IQCM: variants seen among roughly 807,000 people sequenced by gnomAD.
IQCM encodes the protein IQ motif containing M, also known as IQ domain-containing protein M.
A neutral mutation model predicts 57.6 loss-of-function variants in IQCM; 45 were observed. The observed-to-expected ratio is 0.78, with a 90% CI of 0.62 to 1.00. The LOEUF (loss-of-function observed/expected upper bound fraction) is 1.00, where lower values mean the gene tolerates loss of function less well. Ranked by LOEUF, IQCM falls within the 50% of genes least tolerant of loss-of-function variation. IQCM has a pLI of 0.00. For missense variants in IQCM, 468 were observed against 511.6 expected, an observed-to-expected ratio of 0.91 and a Z score of 0.82; for synonymous variants, 148 against 158.9, an observed-to-expected ratio of 0.93 and a Z score of 0.51.
intron 10 of IQCM, among the ~76,000 whole-genome samples, chr4:149,562,896 G>A (rs1750266053): frequency 6.6e-6 from 1 of 152,088 alleles, no homozygotes; most frequent in Non-Finnish European, 1.5e-5. Flanking sequence ...CTATTCCAGA[G>A]GTTTTTCGCA....
intron 7 of IQCM, among the ~76,000 whole-genome samples, chr4:149,630,415 T>C (rs1757163468): frequency 6.6e-6 from 1 of 152,180 alleles, no homozygotes; most frequent in African/African-American, 2.4e-5. Flanking sequence ...GTTTTACAGA[T>C]AACAGTGAAG....
intron 4 of IQCM, 43 bp downstream of exon 4, chr4:149,735,332 CA>C (rs146890815): frequency 0.017 from 17,604 of 1,025,740 alleles, 192 homozygotes; most frequent in Non-Finnish European, 0.019. Flanking sequence ...TTGTAGTATG[CA>C]AAAATTTTAA....
intron 13 of IQCM, among the ~76,000 whole-genome samples, chr4:149,392,675 G>A (rs915346963): frequency 6.6e-6 from 1 of 151,916 alleles, no homozygotes; most frequent in Non-Finnish European, 1.5e-5. Flanking sequence ...GAGTGTCCCA[G>A]AAGCCTGGAA....
chr4:149,813,464 C>T (rs1774779159), intron 2 of IQCM, among the ~76,000 whole-genome samples: 1 of 151,956 alleles, frequency 6.6e-6, no homozygotes, highest in South Asian at 2.1e-4. Context: ...CCCAAGAAAG[C>T]TCAATCTTAA....
At chr4:149,756,108 G>C (rs1768932616) in intron 2 of IQCM, among the ~76,000 whole-genome samples, 1 of 152,158 alleles carries the variant, frequency 6.6e-6, no homozygotes, top group Non-Finnish European at 1.5e-5. Flanking sequence ...ATTTATTATA[G>C]CATCTAGCTT....
intron 5 of IQCM, among the ~76,000 whole-genome samples, chr4:149,722,638 A>G (rs940163890): frequency 3.3e-5 from 5 of 151,874 alleles, no homozygotes; most frequent in Non-Finnish European, 5.9e-5. Context: ...ATTCTGTTCT[A>G]TTGACTTGTG....
intron 9 of IQCM, among the ~76,000 whole-genome samples, chr4:149,576,800 C>A (rs1751704015): frequency 6.6e-6 from 1 of 151,538 alleles, no homozygotes; most frequent in South Asian, 2.1e-4. Context: ...TTTAAGTTCT[C>A]TGAGAAATCT....
chr4:149,752,727 C>G (rs1177119051), intron 2 of IQCM, among the ~76,000 whole-genome samples: 1 of 152,090 alleles, frequency 6.6e-6, no homozygotes, highest in Non-Finnish European at 1.5e-5. Context: ...GTAGAGGCAA[C>G]CTGGAGTTCA....
At chr4:149,398,058 T>C (rs1051684387) in intron 13 of IQCM, among the ~76,000 whole-genome samples, 5 of 152,054 alleles carry the variant, frequency 3.3e-5, no homozygotes, top group Admixed American at 6.6e-5. Context: ...AGGTCTTACA[T>C]TGATTTTTGT....
rs151052823 is a variant in IQCM at position 149,598,238 on chromosome 4, C to T, written c.682-10241G>A. Among the ~76,000 whole-genome samples, 985 of 151,974 alleles carry T rather than the reference C, an allele frequency of 6.5e-3. 12 individuals are homozygous for T. Among genetic ancestry groups the T allele is most frequent in the African/African-American group, 0.022 (922 of 41,478 alleles). ...CATATAGATAAACTTTAACAAACAA[C>T]GACACAATGAAACAAAATAATTGTG... On this transcript the variant is annotated intron_variant, in intron 8 of 13. Transcript: ENST00000636793.
At chr4:149,633,714 C>T (rs1229106800) in intron 7 of IQCM, among the ~76,000 whole-genome samples, 1 of 152,192 alleles carries the variant, frequency 6.6e-6, no homozygotes. Context: ...ATGAACCTTT[C>T]CTCCAGTTAA....
Position 149,561,460 on chromosome 4 carries a change from T to C in IQCM, c.948+2232A>G, listed in dbSNP as rs1193198456. On this transcript the variant is annotated intron_variant, in intron 10 of 13. Coordinates refer to ENST00000636793, the MANE Select transcript of IQCM (RefSeq NM_001363507.2). ...CTGCCATGATAAACTTCTACAATTA[T>C]ATCAATTCATCCACTCAATAGGTAT... Among the ~76,000 whole-genome samples, 5 of 152,188 alleles carry C rather than the reference T, an allele frequency of 3.3e-5. No homozygotes were observed. In the East Asian group the frequency reaches 9.6e-4, roughly 29 times the overall value.
intron 5 of IQCM, among the ~76,000 whole-genome samples, chr4:149,712,963 T>C (rs1050381304): frequency 6.6e-6 from 1 of 152,026 alleles, no homozygotes; most frequent in African/African-American, 2.4e-5. Flanking sequence ...TGTCAAAAAG[T>C]TTATAAAGAT....
At chr4:149,599,902 A>C (rs1018466264) in intron 8 of IQCM, among the ~76,000 whole-genome samples, 1 of 152,174 alleles carries the variant, frequency 6.6e-6, no homozygotes, top group African/African-American at 2.4e-5. Flanking sequence ...AGATTGAAGA[A>C]ATGAATTTCC....
intron 12 of IQCM, among the ~76,000 whole-genome samples, chr4:149,435,342 C>T (rs1415447686): frequency 6.6e-6 from 1 of 151,930 alleles, no homozygotes; most frequent in Non-Finnish European, 1.5e-5. Flanking sequence ...CAAAACGGAG[C>T]TAAAATGCCT....
At chr4:149,490,442 A>T (rs886717453) in intron 12 of IQCM, among the ~76,000 whole-genome samples, 5 of 152,084 alleles carry the variant, frequency 3.3e-5, no homozygotes, top group African/African-American at 1.2e-4. Context: ...ATGAGTTTTC[A>T]TAAGAAAATA....
intron 12 of IQCM, among the ~76,000 whole-genome samples, chr4:149,503,777 T>C (rs1040641852): frequency 2.0e-5 from 3 of 152,140 alleles, no homozygotes; most frequent in Non-Finnish European, 2.9e-5. Context: ...AAATTTCATG[T>C]AGATTGCAGT....
chr4:149,585,875 A>T lies in IQCM; in HGVS notation c.749+2055T>A, dbSNP rs146556374. ...CCTAATTGGAAAATAGAAGGATTGA[A>T]CCAAGTGATGTCTAAAATTCCTTCA... On this transcript the variant is annotated intron_variant, in intron 9 of 13. Transcript: ENST00000636793. Among the ~76,000 whole-genome samples, 831 of 151,764 alleles carry T rather than the reference A, an allele frequency of 5.5e-3. 9 individuals carry two copies. Among genetic ancestry groups the T allele is most frequent in the African/African-American group, 0.019 (789 of 41,486 alleles).
rs528964578 is a variant in IQCM, at chr4:149,510,288, T to G, written c.1228+38167A>C. Among the ~76,000 whole-genome samples, 3 of 152,304 alleles carry G rather than the reference T, an allele frequency of 2.0e-5. No individual in the cohort carries two copies. In the South Asian group the frequency reaches 6.2e-4, roughly 32 times the overall value. ...ATGTACTCTTCTGGGAAATTCTTTA[T>G]AATAAAATTGGCCTATTTTTCTAGT... is the stretch of plus-strand genomic sequence containing the variant. On this transcript the variant is annotated intron_variant, in intron 12 of 13. Transcript: ENST00000636793.
Sources: gnomAD v4.1 joint callset for allele counts (sites outside exome capture counted in the v4.1 genomes callset) on GRCh38, gnomAD v4.1.1 for gene constraint, MANE v1.5 for transcripts, NCBI Gene and HGNC (gene_info 2026-07-23, HGNC 2026-07-21) for gene names.